Variants in MAP4K3 observed in about 807,000 individuals in gnomAD.
MAP4K3 encodes MAPK/ERK kinase kinase kinase 3.
Under a neutral mutation model 143.5 loss-of-function variants are expected in MAP4K3, and 94 were observed. That is an observed-to-expected ratio of 0.65 (90% CI 0.55 to 0.78). The LOEUF is 0.78. MAP4K3 is among the 30% of genes least tolerant of loss of function. The probability of loss-of-function intolerance (pLI) is 0.00; values close to 1 mark genes in which losing one functional copy is unlikely to be tolerated. For synonymous variants in MAP4K3, 416 were observed against 347.2 expected, an observed-to-expected ratio of 1.20 and a Z score of -2.20; for missense variants, 1,077 against 1,068.1, an observed-to-expected ratio of 1.01 and a Z score of -0.12.
chr2:39,421,105 T>C (rs1667533522), intron 1 of MAP4K3, among the ~76,000 whole-genome samples: 1 of 152,154 alleles, frequency 6.6e-6, no homozygotes, highest in Non-Finnish European at 1.5e-5. Flanking sequence ...ACCACATCCA[T>C]CTCTCACAGG....
At position 39,274,578 on chromosome 2, in the gene MAP4K3, T is replaced by G. The variant is rs187051438; in HGVS notation, c.1795-2036A>C. Among the ~76,000 whole-genome samples the G allele has an allele frequency of 4.0e-3, 607 of 152,332 alleles. 3 individuals carry two copies. The highest frequency in any genetic ancestry group is 5.9e-3 in the Non-Finnish European group (404 of 68,042). On this transcript the variant is annotated intron_variant, in intron 24 of 33. Coordinates refer to ENST00000263881, the MANE Select transcript of MAP4K3 (RefSeq NM_003618.4). ...TAAAGCTTTACTAGATTTTCAATGC[T>G]TTCTTCCTTTAGTGAGTTAGGTTCT...
intron 3 of MAP4K3, among the ~76,000 whole-genome samples, chr2:39,347,924 C>A (rs1665343228): frequency 6.6e-6 from 1 of 151,912 alleles, no homozygotes; most frequent in South Asian, 2.1e-4. Context: ...TTCTGGAAAC[C>A]AACTTCTCCC....
chr2:39,324,405 C>CA (rs894725861), intron 12 of MAP4K3, among the ~76,000 whole-genome samples: 296 of 145,224 alleles, frequency 2.0e-3, no homozygotes, highest in African/African-American at 6.4e-3. Context: ...AGACTCATCT[C>CA]AAAAAAAAAC....
At position 39,258,401 on chromosome 2, in the gene MAP4K3, G is replaced by C; in HGVS notation, c.2417C>G (p.Ser806Cys). ...GAGTTCTGATGACAATTTCCTGCTA[G>C]ATTTTAATCTTCCTTGGAGATTTAC... ...KIVNLQGRLK[S>C]SRKLSSELTF... The change falls in exon 31 of 34, where the codon TCT becomes TGT. Residue 806 changes from serine (S) to cysteine (C), a missense_variant. Ser to Cys is a moderately radical substitution (Grantham distance 112). Coordinates refer to ENST00000263881, the MANE Select transcript of MAP4K3 (RefSeq NM_003618.4). 2 of 1,611,222 alleles carry C rather than the reference G, an allele frequency of 1.2e-6. No individual in the cohort carries two copies. The highest frequency in any genetic ancestry group is 1.7e-6 in the Non-Finnish European group (2 of 1,178,728).
rs139521173 is a variant in MAP4K3, at chr2:39,324,137, C to T, written c.918+1381G>A. On this transcript the variant is annotated intron_variant, in intron 12 of 33. Coordinates refer to ENST00000263881, the MANE Select transcript of MAP4K3 (RefSeq NM_003618.4). ...CCAAAAAACTTCTTCAGGCCAGGTG[C>T]GGTGGCTCATGCCTGTAATCCCAGC... Among the ~76,000 whole-genome samples the T allele has an allele frequency of 4.1e-4, 63 of 152,224 alleles. No homozygotes were observed. The East Asian group carries it at 5.0e-3, about 12-fold the overall frequency.
At chr2:39,434,264 A>T (rs1665384462) in intron 1 of MAP4K3, among the ~76,000 whole-genome samples, 1 of 152,364 alleles carries the variant, frequency 6.6e-6, no homozygotes, top group African/African-American at 2.4e-5. Flanking sequence ...TTGTATAAAT[A>T]AGAAAAAACT....
intron 4 of MAP4K3, among the ~76,000 whole-genome samples, chr2:39,342,608 G>A (rs1356495386): frequency 1.3e-5 from 2 of 151,976 alleles, no homozygotes; most frequent in Non-Finnish European, 1.5e-5. Flanking sequence ...TAAAACCTAT[G>A]CCAAGAAGAT....
chr2:39,260,347 C>A (rs1465743827), intron 29 of MAP4K3, among the ~76,000 whole-genome samples: 1 of 152,150 alleles, frequency 6.6e-6, no homozygotes, highest in East Asian at 1.9e-4. Context: ...AACTCCTGGA[C>A]TCAAGCGATC....
At chr2:39,293,124 GA>G (rs1203196051) in intron 17 of MAP4K3, 105 bp downstream of exon 17, 16 of 857,894 alleles carry the variant, frequency 1.9e-5, no homozygotes, top group Admixed American at 2.8e-5. Context: ...CTCTATTAAA[GA>G]AAAAAAAGAC....
chr2:39,302,665 C>A (rs1248232790), intron 15 of MAP4K3, among the ~76,000 whole-genome samples: 1 of 152,134 alleles, frequency 6.6e-6, no homozygotes, highest in Non-Finnish European at 1.5e-5. Context: ...TATGGCCATT[C>A]TTTACAAGCT....
chr2:39,370,890 T>C (rs972376699), intron 2 of MAP4K3, among the ~76,000 whole-genome samples: 13 of 152,294 alleles, frequency 8.5e-5, no homozygotes, highest in Middle Eastern at 3.4e-3. Flanking sequence ...CACAAAAAGA[T>C]TCCAGATCTA....
chr2:39,427,724 T>C (rs1009901506), intron 1 of MAP4K3, among the ~76,000 whole-genome samples: 5 of 152,266 alleles, frequency 3.3e-5, no homozygotes, highest in Admixed American at 1.3e-4. Context: ...ATAAAACTTA[T>C]TGAATACCAT....
At chr2:39,298,685 G>A (rs925299346) in intron 16 of MAP4K3, among the ~76,000 whole-genome samples, 1 of 151,736 alleles carries the variant, frequency 6.6e-6, no homozygotes, top group African/African-American at 2.4e-5. Flanking sequence ...GAAATTTTGC[G>A]AGGCACGGTG....
At chr2:39,281,354 A>G (rs531026141) in intron 22 of MAP4K3, among the ~76,000 whole-genome samples, 31 of 152,318 alleles carry the variant, frequency 2.0e-4, no homozygotes, top group African/African-American at 7.2e-4. Context: ...ACAGAAATCT[A>G]CCAAACAATA....
At position 39,326,190 on chromosome 2, in the gene MAP4K3, T is replaced by C; in HGVS notation, c.618A>G (p.Glu206=). 6.2e-7 allele frequency: 1 copy of C among 1,614,010 alleles called. No individual in the cohort carries two copies. Among genetic ancestry groups the C allele is most frequent in the Non-Finnish European group, 8.5e-7 (1 of 1,179,942 alleles). Residue 206 remains glutamate (E), a synonymous_variant, in exon 9 of 34, where the codon GAA becomes GAG. Transcript: ENST00000263881. ...ACATAGGAGGCTGAAGCTCTGCAAG[T>C]TCTATGGCAGTGATTCCCACTGCCC... is the stretch of plus-strand genomic sequence containing the variant. The part of the protein sequence containing the change: ...DLWAVGITAI[E]LAELQPPMFD...
chr2:39,410,161 T>G (rs1667197394), intron 1 of MAP4K3, among the ~76,000 whole-genome samples: 1 of 152,178 alleles, frequency 6.6e-6, no homozygotes, highest in African/African-American at 2.4e-5. Flanking sequence ...TTTGGGATTG[T>G]GGAGGAGGGA....
intron 20 of MAP4K3, 76 bp from the exon 21 acceptor site, chr2:39,287,040 G>T: frequency 1.2e-6 from 1 of 805,912 alleles, no homozygotes. Context: ...AAGTAGGAAA[G>T]AAAAAATATT....
intron 2 of MAP4K3, among the ~76,000 whole-genome samples, chr2:39,361,498 A>C (rs573262044): frequency 3.4e-4 from 52 of 152,032 alleles, no homozygotes; most frequent in African/African-American, 1.2e-3. Flanking sequence ...TTCATTATTT[A>C]CTATATATGA....
At chr2:39,307,909 A>C in intron 15 of MAP4K3, 34 bp downstream of exon 15, 1 of 1,473,990 alleles carries the variant, frequency 6.8e-7, no homozygotes, top group South Asian at 1.3e-5. Flanking sequence ...GACTAAAACA[A>C]TGCTGACAAA....
Sources: gnomAD v4.1 joint callset for allele counts (sites outside exome capture counted in the v4.1 genomes callset) on GRCh38, gnomAD v4.1.1 for gene constraint, MANE v1.5 for transcripts, NCBI Gene and HGNC (gene_info 2026-07-23, HGNC 2026-07-21) for gene names.